Variants in CUL7 observed in about 807,000 individuals in gnomAD.
CUL7 encodes the protein cullin-7.
In CUL7, 96 loss-of-function variants were observed where a neutral mutation model predicts 177.7. The ratio of observed to expected loss-of-function variants is 0.54; its 90% CI spans 0.46 to 0.64. The LOEUF is 0.64. CUL7 is among the 30% of genes least tolerant of loss of function. CUL7 has a pLI of 0.00. For synonymous variants in CUL7, 824 were observed against 890.2 expected (o/e 0.93, Z 1.32); for missense variants, 1,893 against 2,187.9 (o/e 0.87, Z 2.69).
At position 43,044,835 on chromosome 6, in the gene CUL7, G is replaced by A; in HGVS notation, c.3089C>T (p.Pro1030Leu). The A allele has an allele frequency of 6.2e-7, 1 of 1,613,972 alleles. No individual in the cohort carries two copies. Among genetic ancestry groups the A allele is most frequent in the Non-Finnish European group, 8.5e-7 (1 of 1,179,856 alleles). Residue 1030 changes from proline to leucine, a missense_variant, in exon 16 of 26, where the codon CCT becomes CTT. Physicochemically the swap from Pro to Leu is moderately conservative, Grantham distance 98. This residue lies in a region of CUL7 where 973 missense variants were observed against 1,140.9 expected (regional missense o/e 0.85). Transcript: ENST00000265348. Reference sequence around the variant, plus strand: ...CAGAGCTTGGGCAGCCTCGTCATCAGGGAGGAAGCGGTCAGCAAAATTCTG... The same window carrying A: ...CAGAGCTTGGGCAGCCTCGTCATCAAGGAGGAAGCGGTCAGCAAAATTCTG... ...QEQNFADRFL[P>L]DDEAAQALGK...
chr6:43,045,388 CG>C lies in CUL7; in HGVS notation c.2876del (p.Thr959SerfsTer6). ...IKRCQQGGIDTRIRGLEILGP... is the reference protein window; with the variant it reads ...IKRCQQGGIDXRIRGLEILGP... Reference sequence around the variant, plus strand: ...CTAGGATCTCTAACCCCCGAATGCGCGTATCAATGCCACCCTGAAACACACA... The same window carrying C: ...CTAGGATCTCTAACCCCCGAATGCGCTATCAATGCCACCCTGAAACACACA... On this transcript the variant is annotated frameshift_variant, in exon 15 of 26. Coordinates refer to ENST00000265348, the MANE Select transcript of CUL7 (RefSeq NM_014780.5). LOFTEE classifies it high-confidence loss of function. This position sits in a 1 kb window ranked among gnomAD's most constrained non-coding sequence, Gnocchi z 4.8. 1.2e-5 allele frequency: 20 copies of C among 1,614,216 alleles called. No homozygotes were observed. Among genetic ancestry groups the C allele is most frequent in the Non-Finnish European group, 1.7e-5 (20 of 1,180,046 alleles).
intron 16 of CUL7, among the ~76,000 whole-genome samples, chr6:43,044,451 A>G (rs1409001431): frequency 6.6e-6 from 1 of 152,072 alleles, no homozygotes; most frequent in African/African-American, 2.4e-5. Flanking sequence ...GTGAGCCAAG[A>G]TCATGCCATT....
Position 43,045,745 on chromosome 6 carries a change from C to T in CUL7, c.2767-63G>A. 1 of 1,547,574 alleles carries T rather than the reference C, an allele frequency of 6.5e-7. No individual in the cohort carries two copies. Among genetic ancestry groups the T allele is most frequent in the Non-Finnish European group, 8.9e-7 (1 of 1,120,268 alleles). ...GCAGAGCCAAGTTGGCTCTAGGCTC[C>T]AGTCCCCTCACTGTTTCCCTCCCTT... On this transcript the variant is annotated intron_variant, in intron 13 of 25. Transcript: ENST00000265348. The surrounding 1 kb of genome is among the most constrained non-coding windows in gnomAD (Gnocchi z 4.8).
rs762217148 is a variant in CUL7 at position 43,045,949 on chromosome 6, A to G, written c.2766+37T>C. ...TAGAAGCAGGAGGGCAGATCCTGTG[A>G]GGGGTGGAGTAATGGCTAATGGCCC... On this transcript the variant is annotated intron_variant, in intron 13 of 25. Coordinates refer to ENST00000265348, the MANE Select transcript of CUL7 (RefSeq NM_014780.5). The surrounding 1 kb of genome is among the most constrained non-coding windows in gnomAD (Gnocchi z 4.8). 1 of 1,506,646 alleles carries G rather than the reference A, an allele frequency of 6.6e-7. No individual in the cohort carries two copies. The highest frequency in any genetic ancestry group is 9.2e-7 in the Non-Finnish European group (1 of 1,082,748). The allele number at this position is 1,506,646 out of a possible 1,614,324, so 93.3% of individuals were successfully genotyped here.
rs777647658 is a variant in CUL7 at position 43,040,486 on chromosome 6, T to C, written c.4023+44A>G. On this transcript the variant is annotated intron_variant, in intron 21 of 25. Coordinates refer to ENST00000265348, the MANE Select transcript of CUL7 (RefSeq NM_014780.5). This position sits in a 1 kb window ranked among gnomAD's most constrained non-coding sequence, Gnocchi z 4.2. ...TCCTCCAGTCTGCTCCACGCCCCTC[T>C]TCCCCCTACCCTCTTATTTGCTTAT... is the stretch of plus-strand genomic sequence containing the variant. The C allele has an allele frequency of 6.2e-7, 1 of 1,612,914 alleles. No homozygotes were observed. The highest frequency in any genetic ancestry group is 2.2e-5 in the East Asian group (1 of 44,878).
At position 43,044,899 on chromosome 6, in the gene CUL7, TGGA is replaced by T; in HGVS notation, c.3039-17_3039-15del. ...GCACCGTTGAGTCTGGGGGTGAGAA[TGGA>T]GGAGGAAGGTGTCAGGGGCTTGAAG... is the stretch of plus-strand genomic sequence containing the variant. On this transcript the variant is annotated splice_polypyrimidine_tract_variant and intron_variant, in intron 15 of 25. Coordinates refer to ENST00000265348, the MANE Select transcript of CUL7 (RefSeq NM_014780.5). 6.2e-7 allele frequency: 1 copy of T among 1,611,036 alleles called. No homozygotes were observed. The highest frequency in any genetic ancestry group is 8.5e-7 in the Non-Finnish European group (1 of 1,177,562).
Position 43,050,299 on chromosome 6 carries a change from C to T in CUL7, c.1333G>A (p.Glu445Lys). Residue 445 changes from glutamate (E) to lysine (K), a missense_variant, in exon 5 of 26, where the codon GAG becomes AAG. Around this residue, in one of 5 missense-constraint regions of CUL7, gnomAD observed 653 missense variants for 725.2 expected, o/e 0.90. Coordinates refer to ENST00000265348, the MANE Select transcript of CUL7 (RefSeq NM_014780.5). The surrounding 1 kb of genome is among the most constrained non-coding windows in gnomAD (Gnocchi z 4.1). ...EDIEDMVEADEYQGAVASRVL... is the reference protein window; with the variant it reads ...EDIEDMVEADKYQGAVASRVL... ...CTACTGGCCACTGCCCCTTGGTACT[C>T]ATCAGCCTCAACCATGTCCTCAATG... 2 of 1,614,218 alleles carry T rather than the reference C, an allele frequency of 1.2e-6. No individual in the cohort carries two copies. Among genetic ancestry groups the T allele is most frequent in the Non-Finnish European group, 1.7e-6 (2 of 1,180,046 alleles).
chr6:43,053,585 AAGG>A lies in CUL7; in HGVS notation c.-9+34_-9+36del, dbSNP rs1333027923. The A allele has an allele frequency of 1.0e-4, 129 of 1,291,534 alleles. No individual in the cohort carries two copies. Among genetic ancestry groups the A allele is most frequent in the Admixed American group, 5.6e-4 (16 of 28,392 alleles). The allele number at this position is 1,291,534 out of a possible 1,614,324, so 80.0% of individuals were successfully genotyped here. ...AGGCTCGATGGGCTAGTGGGCAGGG[AAGG>A]AGAAGCAAGGGGCCGCGGTGGGGCT... On this transcript the variant is annotated intron_variant, in intron 1 of 25. Transcript: ENST00000265348. The surrounding 1 kb of genome is among the most constrained non-coding windows in gnomAD (Gnocchi z 4.1).
At position 43,051,526 on chromosome 6, in the gene CUL7, C is replaced by T; in HGVS notation, c.733-58G>A. The T allele has an allele frequency of 6.2e-7, 1 of 1,614,022 alleles. No individual in the cohort carries two copies. The highest frequency in any genetic ancestry group is 8.5e-7 in the Non-Finnish European group (1 of 1,180,002). On this transcript the variant is annotated intron_variant, in intron 3 of 25. Transcript: ENST00000265348. This position sits in a 1 kb window ranked among gnomAD's most constrained non-coding sequence, Gnocchi z 5.0. ...TTGTCCCAGTTTAAGCCCCTCTCTC[C>T]ATACCATCCTCTGCAGATAGGTGCA...
rs754561314 is a variant in CUL7 at position 43,038,030 on chromosome 6, G to A, written c.4774-19C>T. The A allele has an allele frequency of 6.3e-7, 1 of 1,582,650 alleles. No homozygotes were observed. Among genetic ancestry groups the A allele is most frequent in the South Asian group, 1.2e-5 (1 of 85,582 alleles). ...CCAGCACCTGGTGTGGGGGAGGAAGGGAGAAGCGGTAGTTTAGAGGCAGCT... is the reference window on the plus strand; with the variant it reads ...CCAGCACCTGGTGTGGGGGAGGAAGAGAGAAGCGGTAGTTTAGAGGCAGCT... On this transcript the variant is annotated intron_variant, in intron 25 of 25. Coordinates refer to ENST00000265348, the MANE Select transcript of CUL7 (RefSeq NM_014780.5).
At chr6:43,042,152 AAGAG>A (rs1240764495) in intron 19 of CUL7, among the ~76,000 whole-genome samples, 4 of 151,202 alleles carry the variant, frequency 2.6e-5, no homozygotes, top group South Asian at 2.1e-4. Flanking sequence ...GGAAGGGAGA[AAGAG>A]AGAGAGAAAG....
rs1191891766 is a variant in CUL7 at position 43,045,389 on chromosome 6, G to A, written c.2876C>T (p.Thr959Met). 4.3e-6 allele frequency: 7 copies of A among 1,614,038 alleles called. No individual in the cohort carries two copies. Among genetic ancestry groups the A allele is most frequent in the African/African-American group, 2.7e-5 (2 of 74,924 alleles). ...IKRCQQGGID[T>M]RIRGLEILGP... Reference sequence around the variant, plus strand: ...TAGGATCTCTAACCCCCGAATGCGCGTATCAATGCCACCCTGAAACACACA... The same window carrying A: ...TAGGATCTCTAACCCCCGAATGCGCATATCAATGCCACCCTGAAACACACA... Residue 959 changes from threonine (T) to methionine (M), a missense_variant, in exon 15 of 26, where the codon ACG (threonine) becomes ATG (methionine). Around this residue, in one of 5 missense-constraint regions of CUL7, gnomAD observed 973 missense variants for 1,140.9 expected, o/e 0.85. Coordinates refer to ENST00000265348, the MANE Select transcript of CUL7 (RefSeq NM_014780.5). This position sits in a 1 kb window ranked among gnomAD's most constrained non-coding sequence, Gnocchi z 4.8.
chr6:43,050,372 G>C lies in CUL7; in HGVS notation c.1260C>G (p.Thr420=), dbSNP rs369804241. The C allele has an allele frequency of 1.5e-5, 24 of 1,613,984 alleles. No homozygotes were observed. Among genetic ancestry groups the C allele is most frequent in the Non-Finnish European group, 2.0e-5 (24 of 1,180,016 alleles). The stretch of plus-strand genomic sequence containing the variant: ...CCAGCATGTGCCAGTGCACCCAATA[G>C]GTGCGGCCTGTTGACTCCCAAAATA... ...VQVFWESTGR[T]YWVHWHMLEI... The change falls in exon 5 of 26, where the codon ACC becomes ACG. Residue 420 remains threonine (T), a synonymous_variant. Transcript: ENST00000265348. The surrounding 1 kb of genome is among the most constrained non-coding windows in gnomAD (Gnocchi z 4.1).
chr6:43,037,845 G>A lies in CUL7; in HGVS notation c.4940C>T (p.Ala1647Val). ...HDDRPQVLSYAVPVTVMEPHT... is the reference protein window; with the variant it reads ...HDDRPQVLSYVVPVTVMEPHT... Reference sequence around the variant, plus strand: ...AGGCTCCATGACAGTCACAGGGACTGCATAGGACAGCACCTGGGGCCGGTC... The same window carrying A: ...AGGCTCCATGACAGTCACAGGGACTACATAGGACAGCACCTGGGGCCGGTC... Residue 1647 changes from alanine to valine, a missense_variant, in exon 26 of 26, where the codon GCA becomes GTA. Physicochemically the swap from Ala to Val is moderately conservative, Grantham distance 64. Around this residue, in one of 5 missense-constraint regions of CUL7, gnomAD observed 248 missense variants for 262.5 expected, o/e 0.94. Transcript: ENST00000265348. 3.7e-6 allele frequency: 6 copies of A among 1,613,250 alleles called. No homozygotes were observed. Among genetic ancestry groups the A allele is most frequent in the Non-Finnish European group, 5.1e-6 (6 of 1,179,676 alleles).
At position 43,048,368 on chromosome 6, in the gene CUL7, G is replaced by C. The variant is rs199704962; in HGVS notation, c.2027C>G (p.Pro676Arg). The change falls in exon 8 of 26, where the codon CCG (proline) becomes CGG (arginine). Residue 676 changes from proline to arginine, a missense_variant. Coordinates refer to ENST00000265348, the MANE Select transcript of CUL7 (RefSeq NM_014780.5). ...CAGGTGCAGGGTCCTGTTAGTCTCC[G>C]GAGTGTCCAGGCTCTGCATCAGTGC... ...FLALMQSLDT[P>R]ETNRTLHLTV... 12 of 1,613,426 alleles carry C rather than the reference G, an allele frequency of 7.4e-6. No homozygotes were observed. The highest frequency in any genetic ancestry group is 9.3e-6 in the Non-Finnish European group (11 of 1,179,352).
rs1217444000 is a variant in CUL7 at position 43,053,778 on chromosome 6, C to A, written c.-165G>T. ...CGTGCCTCCGCGGAACAGAGCTGCA[C>A]CCGCGTGAGTCGGCAGCCACTGGGG... On this transcript the variant is annotated 5_prime_UTR_variant, in exon 1 of 26. Coordinates refer to ENST00000265348, the MANE Select transcript of CUL7 (RefSeq NM_014780.5). This position sits in a 1 kb window ranked among gnomAD's most constrained non-coding sequence, Gnocchi z 4.1. 6.5e-7 allele frequency: 1 copy of A among 1,531,334 alleles called. No individual in the cohort carries two copies. Among genetic ancestry groups the A allele is most frequent in the Admixed American group, 2.0e-5 (1 of 50,826 alleles). The allele number at this position is 1,531,334 out of a possible 1,614,324, so 94.9% of individuals were successfully genotyped here. A position where few individuals can be genotyped will look rare whatever the true frequency, so the allele number is the denominator to read the frequency against.
chr6:43,040,485 C>T lies in CUL7; in HGVS notation c.4023+45G>A. 6.2e-7 allele frequency: 1 copy of T among 1,612,918 alleles called. No individual in the cohort carries two copies. Among genetic ancestry groups the T allele is most frequent in the Non-Finnish European group, 8.5e-7 (1 of 1,180,002 alleles). ...CTCCTCCAGTCTGCTCCACGCCCCT[C>T]TTCCCCCTACCCTCTTATTTGCTTA... On this transcript the variant is annotated intron_variant, in intron 21 of 25. Transcript: ENST00000265348. The surrounding 1 kb of genome is among the most constrained non-coding windows in gnomAD (Gnocchi z 4.2).
Position 43,043,641 on chromosome 6 carries a change from A to G in CUL7, c.3173-11T>C. 2 of 1,578,754 alleles carry G rather than the reference A, an allele frequency of 1.3e-6. No individual in the cohort carries two copies. The highest frequency in any genetic ancestry group is 1.7e-6 in the Non-Finnish European group (2 of 1,157,114). ...TAATGCCATCCTCATCTAGAGGGTG[A>G]GATAAACAAACCAAGGCACAGCCAT... is the stretch of plus-strand genomic sequence containing the variant. On this transcript the variant is annotated splice_polypyrimidine_tract_variant and intron_variant, in intron 16 of 25. Transcript: ENST00000265348. This position sits in a 1 kb window ranked among gnomAD's most constrained non-coding sequence, Gnocchi z 4.2.
chr6:43,038,112 C>A, intron 25 of CUL7, 101 bp from the exon 26 acceptor site: 1 of 1,504,570 alleles, frequency 6.6e-7, no homozygotes, highest in South Asian at 1.2e-5. Flanking sequence ...CAGGATGCCC[C>A]AAGGACACGA....
Sources: gnomAD v4.1 joint callset for allele counts (sites outside exome capture counted in the v4.1 genomes callset) on GRCh38, gnomAD v4.1.1 for gene constraint, gnomAD v4.1.1 regional missense constraint, Gnocchi (gnomAD v3.1) non-coding constraint, MANE v1.5 for transcripts, NCBI Gene and HGNC (gene_info 2026-07-23, HGNC 2026-07-21) for gene names.